The following PRKCZ variants were observed in gnomAD, a reference collection of about 807,000 sequenced individuals.
PRKCZ encodes the protein protein kinase C zeta type.
In PRKCZ, 33 loss-of-function variants were observed where a neutral mutation model predicts 79.5. The observed-to-expected ratio is 0.41, with a 90% confidence interval of 0.31 to 0.55. PRKCZ has a LOEUF of 0.55. Among genes scored for constraint, PRKCZ ranks in the 20% least tolerant of loss-of-function variants. The probability of loss-of-function intolerance (pLI) is 0.19; values close to 1 mark genes in which losing one functional copy is unlikely to be tolerated. For missense variants in PRKCZ, 578 were observed against 813.5 expected, an observed-to-expected ratio of 0.71 and a Z score of 3.52; for synonymous variants, 342 against 320.9, an observed-to-expected ratio of 1.07 and a Z score of -0.70.
chr1:2,095,244 AG>A (rs773018159), intron 4 of PRKCZ, among the ~76,000 whole-genome samples: 48 of 152,190 alleles, frequency 3.2e-4, no homozygotes, highest in Admixed American at 3.9e-4. Flanking sequence ...GGTTTCCCTG[AG>A]GTTCCCTCTG....
In PRKCZ at chr1:2,135,265, C is replaced by G; in HGVS notation, c.338C>G (p.Ser113Cys). The G allele has an allele frequency of 6.2e-7, 1 of 1,612,130 alleles. No individual in the cohort carries two copies. Among genetic ancestry groups the G allele is most frequent in the Middle Eastern group, 1.8e-4 (1 of 5,552 alleles). ...ACCTTTCTCATATCCTTTCCAGAAT[C>G]TATCTACCGCCGGGGAGCCAGAAGA... ...PGLPCPGEDK[S>C]IYRRGARRWR... The change falls in exon 5 of 18, where the codon TCT becomes TGT. Residue 113 changes from serine to cysteine, a missense_variant. Transcript: ENST00000378567.
At chr1:2,096,960 G>C (rs1372522397) in intron 4 of PRKCZ, among the ~76,000 whole-genome samples, 1 of 152,242 alleles carries the variant, frequency 6.6e-6, no homozygotes, top group Non-Finnish European at 1.5e-5. Flanking sequence ...GCGTAGGCCT[G>C]GACACGGCCC....
chr1:2,072,398 C>T (rs1024420833), intron 4 of PRKCZ, among the ~76,000 whole-genome samples: 2 of 152,246 alleles, frequency 1.3e-5, no homozygotes, highest in Non-Finnish European at 2.9e-5. Flanking sequence ...TATTACTCAG[C>T]TTCTGAGAGG....
chr1:2,110,210 T>G (rs1283104885), intron 4 of PRKCZ, among the ~76,000 whole-genome samples: 1 of 121,190 alleles, frequency 8.3e-6, no homozygotes, highest in East Asian at 2.4e-4. Flanking sequence ...CAGGGCTGAA[T>G]CCGGGGCCCT....
At chr1:2,144,536 C>G (rs1340179007) in intron 6 of PRKCZ, 195 bp downstream of exon 6, 1 of 1,416,514 alleles carries the variant, frequency 7.1e-7, no homozygotes, top group Non-Finnish European at 9.2e-7. Flanking sequence ...CCCACAAGCC[C>G]CCGGCACACT....
Position 2,174,864 on chromosome 1 carries a change from G to A in PRKCZ, c.1485+31G>A, listed in dbSNP as rs201842549. 5 of 1,603,476 alleles carry A rather than the reference G, an allele frequency of 3.1e-6. No individual in the cohort carries two copies. Among genetic ancestry groups the A allele is most frequent in the East Asian group, 4.5e-5 (2 of 44,826 alleles). On this transcript the variant is annotated intron_variant, in intron 15 of 17. Coordinates refer to ENST00000378567, the MANE Select transcript of PRKCZ (RefSeq NM_002744.6). The surrounding 1 kb of genome is among the most constrained non-coding windows in gnomAD (Gnocchi z 6.2). ...TTTCTGGCCATGCTGACAAAATCTC[G>A]TTTGTGGCCTCGGTGTTGGTGGGCA...
chr1:2,170,397 T>A (rs1431974069), intron 11 of PRKCZ, among the ~76,000 whole-genome samples: 5 of 152,190 alleles, frequency 3.3e-5, no homozygotes, highest in Admixed American at 6.5e-5. Context: ...TTGCATGCAG[T>A]TTTGTGAGTC....
At chr1:2,146,480 T>A (rs762544397) in intron 7 of PRKCZ, among the ~76,000 whole-genome samples, 3 of 152,216 alleles carry the variant, frequency 2.0e-5, no homozygotes, top group African/African-American at 7.2e-5. Flanking sequence ...TGCACAGAGC[T>A]GAGCCCTATC....
intron 5 of PRKCZ, among the ~76,000 whole-genome samples, chr1:2,139,715 A>C (rs561191892): frequency 6.6e-6 from 1 of 152,370 alleles, no homozygotes; most frequent in African/African-American, 2.4e-5. Flanking sequence ...TCACGCAGAA[A>C]TGTGCAGCGA....
intron 4 of PRKCZ, among the ~76,000 whole-genome samples, chr1:2,101,005 A>G (rs2102585157): frequency 7.4e-6 from 1 of 135,180 alleles, no homozygotes; most frequent in South Asian, 2.5e-4. Context: ...AATGACTAAG[A>G]CAATTTATTT....
At chr1:2,170,377 CTTAA>C (rs1684188961) in intron 11 of PRKCZ, among the ~76,000 whole-genome samples, 1 of 152,204 alleles carries the variant, frequency 6.6e-6, no homozygotes, top group South Asian at 2.1e-4. Flanking sequence ...CATTTCCTTA[CTTAA>C]GAACGTTGCA....
At chr1:2,145,964 A>G in intron 6 of PRKCZ, 63 bp from the exon 7 acceptor site, 1 of 1,397,806 alleles carries the variant, frequency 7.2e-7, no homozygotes, top group Non-Finnish European at 1.0e-6. Flanking sequence ...TGTTTACAGA[A>G]GCTACATTGT....
intron 10 of PRKCZ, among the ~76,000 whole-genome samples, chr1:2,166,003 A>G (rs1013295877): frequency 6.6e-6 from 1 of 152,210 alleles, no homozygotes; most frequent in African/African-American, 2.4e-5. Context: ...GTTCCAGGGC[A>G]GGGTCAGGGA....
Position 2,167,438 on chromosome 1 carries a change from C to T in PRKCZ, c.975-2080C>T, listed in dbSNP as rs547205332. Among the ~76,000 whole-genome samples the T allele has an allele frequency of 3.0e-3, 450 of 152,200 alleles. 7 individuals carry two copies. The highest frequency in any genetic ancestry group is 0.01 in the African/African-American group (427 of 41,520). On this transcript the variant is annotated intron_variant, in intron 10 of 17. Coordinates refer to ENST00000378567, the MANE Select transcript of PRKCZ (RefSeq NM_002744.6). ...ATAGCTTAAAGTTAGGATGAACCCACAGAGGCCGTGGAGGCCCTTCCCAGG... is the reference window on the plus strand; with the variant it reads ...ATAGCTTAAAGTTAGGATGAACCCATAGAGGCCGTGGAGGCCCTTCCCAGG...
intron 1 of PRKCZ, among the ~76,000 whole-genome samples, chr1:2,052,096 C>A (rs1199928252): frequency 6.6e-6 from 1 of 152,130 alleles, no homozygotes; most frequent in Non-Finnish European, 1.5e-5. Flanking sequence ...TGTCTCCTTG[C>A]CATTCTGGAG....
chr1:2,112,570 TTCC>T (rs1178485505), intron 4 of PRKCZ, among the ~76,000 whole-genome samples: 1 of 152,142 alleles, frequency 6.6e-6, no homozygotes, highest in African/African-American at 2.4e-5. Flanking sequence ...CCCCACACGT[TTCC>T]TCCTCCTTCT....
At chr1:2,052,996 G>A (rs1274122595) in intron 1 of PRKCZ, among the ~76,000 whole-genome samples, 1 of 152,106 alleles carries the variant, frequency 6.6e-6, no homozygotes, top group East Asian at 1.9e-4. Context: ...GGGTCCCCAG[G>A]CACCTGTGTT....
At chr1:2,058,997 G>T (rs1213825978) in intron 3 of PRKCZ, among the ~76,000 whole-genome samples, 1 of 152,136 alleles carries the variant, frequency 6.6e-6, no homozygotes, top group African/African-American at 2.4e-5. Context: ...GTTTCGTCAT[G>T]TTGGCCAGGC....
chr1:2,129,056 G>C (rs114268131), intron 4 of PRKCZ, among the ~76,000 whole-genome samples: 1 of 152,258 alleles, frequency 6.6e-6, no homozygotes, highest in East Asian at 1.9e-4. Context: ...GAGGGGTGGG[G>C]ACCGCCAGGT....
Sources: allele counts gnomAD v4.1 joint callset (sites outside exome capture counted in the v4.1 genomes callset), GRCh38; gene constraint gnomAD v4.1.1; non-coding constraint Gnocchi (gnomAD v3.1); transcripts MANE v1.5; gene names NCBI Gene and HGNC (gene_info 2026-07-23, HGNC 2026-07-21).